Variants in SYN3 observed in about 807,000 individuals in gnomAD.
The protein encoded by SYN3 is synapsin III.
A neutral mutation model predicts 65.8 loss-of-function variants in SYN3; 35 were observed. The ratio of observed to expected loss-of-function variants is 0.53; its 90% CI spans 0.41 to 0.70. SYN3 has a LOEUF of 0.70. Ranked by LOEUF, SYN3 falls within the 30% of genes least tolerant of loss-of-function variation. SYN3 has a pLI of 0.00. For missense variants in SYN3, 680 were observed against 749.0 expected (o/e 0.91, Z 1.08); for synonymous variants, 270 against 292.9 (o/e 0.92, Z 0.80).
At chr22:32,869,503 G>A (rs1208425963) in intron 4 of SYN3, among the ~76,000 whole-genome samples, 3 of 151,876 alleles carry the variant, frequency 2.0e-5, no homozygotes, top group African/African-American at 7.3e-5. Flanking sequence ...TCCATGGTGA[G>A]GACAACTGCC....
At chr22:32,957,826 A>T (rs1379650062) in intron 3 of SYN3, among the ~76,000 whole-genome samples, 1 of 151,994 alleles carries the variant, frequency 6.6e-6, no homozygotes, top group Non-Finnish European at 1.5e-5. Flanking sequence ...CTCAATAGAG[A>T]CTCATGTTTC....
chr22:33,054,141 C>T (rs2054217088), intron 1 of SYN3, among the ~76,000 whole-genome samples: 1 of 152,112 alleles, frequency 6.6e-6, no homozygotes, highest in African/African-American at 2.4e-5. Context: ...TGATTTTCTC[C>T]TCCTCTCTCT....
At chr22:33,015,268 CA>C in intron 1 of SYN3, 1 of 473,546 alleles carries the variant, frequency 2.1e-6, no homozygotes, top group Non-Finnish European at 3.5e-6. Flanking sequence ...CGAGACTATC[CA>C]AAAGGAGCAG....
intron 6 of SYN3, among the ~76,000 whole-genome samples, chr22:32,794,334 G>A (rs761106466): frequency 2.0e-5 from 3 of 152,198 alleles, no homozygotes; most frequent in Non-Finnish European, 2.9e-5. Context: ...TCTAGCCTAT[G>A]TGACAATGAA....
chr22:32,670,116 T>C (rs368887961), intron 6 of SYN3, among the ~76,000 whole-genome samples: 12 of 152,332 alleles, frequency 7.9e-5, no homozygotes, highest in African/African-American at 2.6e-4. Flanking sequence ...CTGTTACTTA[T>C]ACCATTTAAT....
intron 1 of SYN3, among the ~76,000 whole-genome samples, chr22:33,032,210 TA>T (rs35196379): frequency 0.22 from 29,738 of 134,850 alleles, 3,101 homozygotes; most frequent in East Asian, 0.43. Context: ...GCTCTGTCTT[TA>T]AAAAAAAAAA....
intron 6 of SYN3, among the ~76,000 whole-genome samples, chr22:32,604,117 A>G (rs758326597): frequency 6.6e-6 from 1 of 152,230 alleles, no homozygotes; most frequent in Non-Finnish European, 1.5e-5. Context: ...AGTGGCCCGG[A>G]CAGCCTCCCA....
At chr22:32,900,353 C>T (rs1238716260) in intron 4 of SYN3, among the ~76,000 whole-genome samples, 3 of 152,202 alleles carry the variant, frequency 2.0e-5, no homozygotes, top group Non-Finnish European at 4.4e-5. Flanking sequence ...TCCCTTACAT[C>T]CGGGTCACTG....
At chr22:33,028,964 C>A (rs927304544) in intron 1 of SYN3, among the ~76,000 whole-genome samples, 1 of 151,614 alleles carries the variant, frequency 6.6e-6, no homozygotes, top group Non-Finnish European at 1.5e-5. Context: ...GGTGTAAACC[C>A]GGGAGGCAGA....
intron 6 of SYN3, among the ~76,000 whole-genome samples, chr22:32,680,369 A>G (rs2060507121): frequency 6.6e-6 from 1 of 152,162 alleles, no homozygotes; most frequent in Non-Finnish European, 1.5e-5. Flanking sequence ...TCTACTTGAT[A>G]GTACTGTTTG....
intron 6 of SYN3, among the ~76,000 whole-genome samples, chr22:32,755,009 A>G (rs1307998359): frequency 2.6e-5 from 4 of 152,142 alleles, no homozygotes; most frequent in Non-Finnish European, 5.9e-5. Context: ...GAGACTCAGC[A>G]CAACTCCAAG....
At chr22:32,683,662 C>T (rs1194826083) in intron 6 of SYN3, among the ~76,000 whole-genome samples, 2 of 152,112 alleles carry the variant, frequency 1.3e-5, no homozygotes, top group African/African-American at 4.8e-5. Context: ...TTCACATGGC[C>T]GTCTTCTATA....
intron 7 of SYN3, among the ~76,000 whole-genome samples, chr22:32,593,345 T>C (rs2059154044): frequency 6.6e-6 from 1 of 152,150 alleles, no homozygotes; most frequent in South Asian, 2.1e-4. Flanking sequence ...TTCCTTTTTA[T>C]GTCCTGTTGG....
chr22:32,869,255 G>C lies in SYN3; in HGVS notation c.462-130C>G, dbSNP rs1007184497. On this transcript the variant is annotated intron_variant, in intron 4 of 13. Coordinates refer to ENST00000358763, the MANE Select transcript of SYN3 (RefSeq NM_003490.4). ...GCTTAGTTCAGAAGTGGGAGCAGGT[G>C]GGGGATGAGGGCAGTTAAATGCAAA... The C allele has an allele frequency of 2.2e-5, 19 of 867,646 alleles. No individual in the cohort carries two copies. The East Asian group carries it at 4.1e-4, about 19-fold the overall frequency. 53.7% of individuals were successfully genotyped at this position (867,646 alleles called of 1,614,324 possible). A position where few individuals can be genotyped will look rare whatever the true frequency, so the allele number is the denominator to read the frequency against.
chr22:32,939,212 A>G (rs1319960904), intron 3 of SYN3, among the ~76,000 whole-genome samples: 4 of 152,224 alleles, frequency 2.6e-5, no homozygotes, highest in South Asian at 4.1e-4. Flanking sequence ...CTGTAGAAGT[A>G]AAATGAACAA....
At chr22:33,030,765 A>G (rs933839582) in intron 1 of SYN3, among the ~76,000 whole-genome samples, 1 of 152,028 alleles carries the variant, frequency 6.6e-6, no homozygotes, top group Non-Finnish European at 1.5e-5. Flanking sequence ...AGAGAAACAG[A>G]GAGAGAGGTA....
intron 6 of SYN3, among the ~76,000 whole-genome samples, chr22:32,640,017 A>C (rs1421317084): frequency 6.6e-6 from 1 of 152,144 alleles, no homozygotes; most frequent in Non-Finnish European, 1.5e-5. Flanking sequence ...ATGTTCTAGA[A>C]CTGCAAAACT....
At chr22:32,854,721 G>A (rs560618709) in intron 6 of SYN3, among the ~76,000 whole-genome samples, 9 of 152,264 alleles carry the variant, frequency 5.9e-5, no homozygotes, top group South Asian at 4.1e-4. Flanking sequence ...CCCCCACCGC[G>A]TAATTGAATG....
At chr22:32,713,264 G>T (rs1169306614) in intron 6 of SYN3, among the ~76,000 whole-genome samples, 1 of 152,178 alleles carries the variant, frequency 6.6e-6, no homozygotes, top group Non-Finnish European at 1.5e-5. Flanking sequence ...ATCCTCAGGG[G>T]TACACCAGAA....
Sources: gnomAD v4.1 joint callset for allele counts (sites outside exome capture counted in the v4.1 genomes callset) on GRCh38, gnomAD v4.1.1 for gene constraint, MANE v1.5 for transcripts, NCBI Gene and HGNC (gene_info 2026-07-23, HGNC 2026-07-21) for gene names.